The following CATSPERT variants were observed in gnomAD, a reference collection of about 807,000 sequenced individuals.
CATSPERT encodes the protein cation channel sperm-associated targeting subunit tau.
the CATSPERT span, chr2:201,492,285 A>T: frequency 6.5e-7 from 1 of 1,533,694 alleles, no homozygotes; most frequent in African/African-American, 1.4e-5. Context: ...AATTAAGCAA[A>T]TTTATATGCT....
At chr2:201,605,059 T>TACACAC in the CATSPERT span, among the ~76,000 whole-genome samples, 2,221 of 149,842 alleles carry the variant, frequency 0.015, 22 homozygotes, top group Non-Finnish European at 0.02. Flanking sequence ...TATATATACA[T>TACACAC]ACACACACAC....
chr2:201,517,455 A>G, the CATSPERT span, among the ~76,000 whole-genome samples: 30 of 152,274 alleles, frequency 2.0e-4, no homozygotes, highest in South Asian at 6.2e-3. Context: ...CTCTGTCAGC[A>G]TCCCATTCTT....
At chr2:201,515,333 C>G in the CATSPERT span, among the ~76,000 whole-genome samples, 1 of 145,768 alleles carries the variant, frequency 6.9e-6, no homozygotes, top group African/African-American at 2.5e-5. Context: ...CTCCCAGGTT[C>G]AAGCCATTCT....
chr2:201,549,618 A>C, the CATSPERT span: 1 of 152,156 alleles, frequency 6.6e-6, no homozygotes, highest in Non-Finnish European at 1.5e-5. Context: ...ATAGGTTAAA[A>C]TTCTTTATAT....
the CATSPERT span, among the ~76,000 whole-genome samples, chr2:201,592,124 G>A: frequency 6.6e-6 from 1 of 152,032 alleles, no homozygotes; most frequent in Non-Finnish European, 1.5e-5. Context: ...CTGTGGGTTT[G>A]TCATAGATAG....
chr2:201,547,594 T>G, the CATSPERT span: 16 of 1,506,510 alleles, frequency 1.1e-5, 1 homozygote, highest in Admixed American at 6.3e-5. Flanking sequence ...CTATATTCTT[T>G]TTTCATCTTT....
the CATSPERT span, chr2:201,493,778 C>T: frequency 4.6e-6 from 7 of 1,536,810 alleles, no homozygotes; most frequent in South Asian, 7.1e-5. Context: ...CCACTTGAAC[C>T]TGATTTGGAG....
the CATSPERT span, among the ~76,000 whole-genome samples, chr2:201,516,207 TATG>T: frequency 1.3e-4 from 20 of 152,288 alleles, no homozygotes; most frequent in South Asian, 3.9e-3. Flanking sequence ...TACAGTAAAA[TATG>T]ATATTATGGT....
chr2:201,616,316 C>T, the CATSPERT span, among the ~76,000 whole-genome samples: 3 of 152,182 alleles, frequency 2.0e-5, no homozygotes, highest in Non-Finnish European at 2.9e-5. Context: ...CAATGAAACA[C>T]TGGCAAACCG....
the CATSPERT span, among the ~76,000 whole-genome samples, chr2:201,602,327 G>A: frequency 2.6e-5 from 4 of 152,040 alleles, no homozygotes; most frequent in South Asian, 2.1e-4. Flanking sequence ...ATATTGGTCT[G>A]TATTGTATCT....
chr2:201,542,989 AC>A, the CATSPERT span, among the ~76,000 whole-genome samples: 1 of 152,200 alleles, frequency 6.6e-6, no homozygotes. Context: ...TTCCAGTCTT[AC>A]ATTTAAGTCA....
chr2:201,565,660 TATTATACAA>T, the CATSPERT span: 1 of 1,428,234 alleles, frequency 7.0e-7, no homozygotes, highest in Non-Finnish European at 9.2e-7. Context: ...GAAATTAATA[TATTATACAA>T]ATAACACCTA....
the CATSPERT span, chr2:201,603,249 C>A: frequency 6.2e-7 from 1 of 1,611,286 alleles, no homozygotes; most frequent in South Asian, 1.1e-5. Context: ...GTCTGCAGTT[C>A]TTTATATGAA....
chr2:201,552,678 T>C, the CATSPERT span, among the ~76,000 whole-genome samples: 5 of 152,190 alleles, frequency 3.3e-5, no homozygotes, highest in Admixed American at 2.6e-4. Flanking sequence ...TTCCACTGCA[T>C]GGGTAGGGGG....
At chr2:201,523,654 G>A in the CATSPERT span, among the ~76,000 whole-genome samples, 2 of 15,970 alleles carry the variant, frequency 1.3e-4, no homozygotes, top group South Asian at 2.8e-3. Context: ...CTGAAATGCC[G>A]AAATGACAGA....
chr2:201,589,001 C>T, the CATSPERT span, among the ~76,000 whole-genome samples: 2 of 152,060 alleles, frequency 1.3e-5, no homozygotes, highest in African/African-American at 2.4e-5. Flanking sequence ...AACTCCCATT[C>T]ACAACTGCTA....
the CATSPERT span, among the ~76,000 whole-genome samples, chr2:201,597,270 G>A: frequency 0.87 from 132,825 of 152,170 alleles, 59,087 homozygotes; most frequent in South Asian, 0.98. Context: ...CTCTGAATTC[G>A]GACTTCTGAA....
chr2:201,533,027 G>C, the CATSPERT span, among the ~76,000 whole-genome samples: 3 of 152,246 alleles, frequency 2.0e-5, no homozygotes, highest in South Asian at 2.1e-4. Context: ...GCCAGACAAG[G>C]GCACTTCTAA....
At chr2:201,522,804 T>C in the CATSPERT span, among the ~76,000 whole-genome samples, 2 of 152,084 alleles carry the variant, frequency 1.3e-5, no homozygotes, top group African/African-American at 2.4e-5. Context: ...TTCCTCTAGG[T>C]GATTTTGGCT....
Sources: gnomAD v4.1 joint callset for allele counts (sites outside exome capture counted in the v4.1 genomes callset) on GRCh38, gnomAD v4.1.1 for gene constraint, MANE v1.5 for transcripts, NCBI Gene and HGNC (gene_info 2026-07-23, HGNC 2026-07-21) for gene names.